The following SMOC2 variants were observed in gnomAD, a reference collection of about 807,000 sequenced individuals.
The protein encoded by SMOC2 is SPARC-related modular calcium-binding protein 2.
SMOC2 carries 39 observed loss-of-function variants against 61.4 expected under a neutral mutation model. The ratio of observed to expected loss-of-function variants is 0.64; its 90% CI spans 0.49 to 0.83. The LOEUF (loss-of-function observed/expected upper bound fraction) is 0.83. Ranked by LOEUF, SMOC2 falls within the 40% of genes least tolerant of loss-of-function variation. The pLI is 0.00. For missense variants in SMOC2, 556 were observed against 592.9 expected, an observed-to-expected ratio of 0.94 and a Z score of 0.65; for synonymous variants, 247 against 239.9, an observed-to-expected ratio of 1.03 and a Z score of -0.27.
intron 7 of SMOC2, among the ~76,000 whole-genome samples, chr6:168,555,124 C>G (rs1784217002): frequency 6.6e-6 from 1 of 152,242 alleles, no homozygotes; most frequent in African/African-American, 2.4e-5. Flanking sequence ...GGGCCAGCTC[C>G]CGGCTCCTCT....
At chr6:168,624,830 AAC>A (rs200573448) in intron 9 of SMOC2, among the ~76,000 whole-genome samples, 1,670 of 151,002 alleles carry the variant, frequency 0.011, 28 homozygotes, top group African/African-American at 0.039. Flanking sequence ...GACATACAGA[AAC>A]ACACAGACAC....
chr6:168,569,380 T>A (rs1403073053), intron 7 of SMOC2, among the ~76,000 whole-genome samples: 1 of 152,182 alleles, frequency 6.6e-6, no homozygotes, highest in African/African-American at 2.4e-5. Flanking sequence ...TAATTGGGGT[T>A]TTTTTAATTG....
At chr6:168,589,396 A>G (rs1785121112) in intron 7 of SMOC2, among the ~76,000 whole-genome samples, 1 of 152,266 alleles carries the variant, frequency 6.6e-6, no homozygotes, top group African/African-American at 2.4e-5. Flanking sequence ...CAGCAATGAC[A>G]TCCATTCAAC....
intron 1 of SMOC2, among the ~76,000 whole-genome samples, chr6:168,448,288 G>A (rs1243227219): frequency 2.0e-5 from 3 of 152,192 alleles, no homozygotes; most frequent in Non-Finnish European, 4.4e-5. Context: ...AAAGCAGAAG[G>A]TGTGGAACCA....
chr6:168,479,958 A>G (rs1489693525), intron 1 of SMOC2, among the ~76,000 whole-genome samples: 9 of 152,160 alleles, frequency 5.9e-5, no homozygotes, highest in Non-Finnish European at 1.3e-4. Context: ...GCAACTTAAT[A>G]TATGGAGAGA....
intron 4 of SMOC2, among the ~76,000 whole-genome samples, chr6:168,538,628 G>A (rs1470628689): frequency 7.5e-6 from 1 of 133,198 alleles, no homozygotes; most frequent in Non-Finnish European, 1.6e-5. Flanking sequence ...GGGGGAGTGG[G>A]GTGACCGCTG....
rs149076926 is a variant in SMOC2, at chr6:168,570,070, G to A, written c.637+20867G>A. ...TCTAGACGGCATTCTCTTTGTGTGC[G>A]GATGTCCCGTCGTCCTGGCATCACG... On this transcript the variant is annotated intron_variant, in intron 7 of 12. Transcript: ENST00000356284. Among the ~76,000 whole-genome samples the A allele has an allele frequency of 3.4e-3, 511 of 151,596 alleles. 6 individuals carry two copies. The highest frequency in any genetic ancestry group is 0.015 in the South Asian group (73 of 4,780).
At chr6:168,599,173 A>T (rs1192319083) in intron 8 of SMOC2, among the ~76,000 whole-genome samples, 169 bp downstream of exon 8, 1 of 104,846 alleles carries the variant, frequency 9.5e-6, no homozygotes, top group Non-Finnish European at 2.1e-5. Context: ...CCACGCTCTC[A>T]CACACACCCA....
rs371484336 is a variant in SMOC2 at position 168,554,471 on chromosome 6, GCTGGGCTC to G, written c.637+5291_637+5298del. On this transcript the variant is annotated intron_variant, in intron 7 of 12. Transcript: ENST00000356284. The stretch of plus-strand genomic sequence containing the variant: ...ACACTTAGGAAGTTAGAAGCATTCT[GCTGGGCTC>G]CTGGGCTCCTGGGCTCCTGGGCAGC... 4.1e-3 allele frequency among the ~76,000 whole-genome samples: 627 copies of G among 152,278 alleles called. 2 individuals carry two copies. The highest frequency in any genetic ancestry group is 0.014 in the African/African-American group (593 of 41,546).
chr6:168,464,669 C>T (rs1476302993), intron 1 of SMOC2, among the ~76,000 whole-genome samples: 1 of 151,970 alleles, frequency 6.6e-6, no homozygotes, highest in African/African-American at 2.4e-5. Context: ...TAACTCCAAA[C>T]ATATCATGTG....
chr6:168,490,734 CTTGACATCTA>C, intron 1 of SMOC2, among the ~76,000 whole-genome samples: 1 of 152,336 alleles, frequency 6.6e-6, no homozygotes, highest in Admixed American at 6.5e-5. Context: ...TTGGAACAAC[CTTGACATCTA>C]TTGGGACATC....
chr6:168,577,603 C>T (rs554400056), intron 7 of SMOC2, among the ~76,000 whole-genome samples: 2 of 152,328 alleles, frequency 1.3e-5, no homozygotes, highest in African/African-American at 4.8e-5. Flanking sequence ...GTGGCTGCTT[C>T]TGGGTGACAC....
intron 1 of SMOC2, among the ~76,000 whole-genome samples, chr6:168,486,750 A>G (rs540245480): frequency 3.9e-5 from 6 of 152,032 alleles, no homozygotes; most frequent in African/African-American, 1.4e-4. Flanking sequence ...GTTCAACGGC[A>G]TTTTACAAAA....
intron 1 of SMOC2, among the ~76,000 whole-genome samples, chr6:168,441,745 G>T (rs927647166): frequency 6.6e-6 from 1 of 152,174 alleles, no homozygotes; most frequent in Non-Finnish European, 1.5e-5. Context: ...TGCCTCGGGG[G>T]CTCTGACCCG....
At chr6:168,473,396 C>T (rs1782009081) in intron 1 of SMOC2, among the ~76,000 whole-genome samples, 1 of 152,228 alleles carries the variant, frequency 6.6e-6, no homozygotes, top group Non-Finnish European at 1.5e-5. Context: ...TGCAGCACCG[C>T]CCTTACCTGC....
chr6:168,503,761 T>C (rs1049792172), intron 1 of SMOC2, among the ~76,000 whole-genome samples: 19 of 152,136 alleles, frequency 1.2e-4, no homozygotes, highest in Non-Finnish European at 4.4e-5. Context: ...CCGCAGAGGC[T>C]GTGGTGGCCA....
Position 168,513,473 on chromosome 6 carries a change from ACACACATACATAC to A in SMOC2, c.256+3388_256+3400del, listed in dbSNP as rs1340748533. Among the ~76,000 whole-genome samples, 8 of 5,394 alleles carry A rather than the reference ACACACATACATAC, an allele frequency of 1.5e-3. No homozygotes were observed. The East Asian group carries it at 0.11, about 71-fold the overall frequency. The allele number at this position is 5,394 out of a possible 152,430, so 3.5% of individuals were successfully genotyped here. A position where few individuals can be genotyped will look rare whatever the true frequency, so the allele number is the denominator to read the frequency against. On this transcript the variant is annotated intron_variant, in intron 2 of 12. Transcript: ENST00000356284. ...GAGACACACACACACAAATACACACACACACATACATACACACACACACACACACATAGACACT... is the reference window on the plus strand; with the variant it reads ...GAGACACACACACACAAATACACACAACACACACACACACACATAGACACT...
At chr6:168,487,971 G>T (rs1782374118) in intron 1 of SMOC2, among the ~76,000 whole-genome samples, 1 of 152,154 alleles carries the variant, frequency 6.6e-6, no homozygotes, top group Admixed American at 6.5e-5. Flanking sequence ...TAGTTTATTA[G>T]TAATGGTGAT....
In SMOC2 at chr6:168,556,595, CT is replaced by C. The variant is rs67567793; in HGVS notation, c.637+7402del. On this transcript the variant is annotated intron_variant, in intron 7 of 12. Transcript: ENST00000356284. ...AGGCCCCCAAAATGCGCCTTGGGAT[CT>C]TTTTTTTTTAAATTATACTTTAAGT... 1.3e-4 allele frequency among the ~76,000 whole-genome samples: 19 copies of C among 150,176 alleles called. 1 individual carries two copies. The South Asian group carries it at 1.5e-3, about 12-fold the overall frequency.
Sources: gnomAD v4.1 joint callset for allele counts (sites outside exome capture counted in the v4.1 genomes callset) on GRCh38, gnomAD v4.1.1 for gene constraint, MANE v1.5 for transcripts, NCBI Gene and HGNC (gene_info 2026-07-23, HGNC 2026-07-21) for gene names.